The following RAD51B variants were observed in gnomAD, a reference collection of about 807,000 sequenced individuals.
RAD51B encodes DNA repair protein RAD51 homolog 2.
RAD51B carries 38 observed loss-of-function variants against 42.2 expected under a neutral mutation model. That is an observed-to-expected ratio of 0.90 (90% CI 0.70 to 1.18). RAD51B has a LOEUF of 1.18. Among genes scored for constraint, RAD51B ranks in the 50% most tolerant of loss-of-function variants. The pLI is 0.00. For missense variants in RAD51B, 373 were observed against 400.7 expected, an observed-to-expected ratio of 0.93 and a Z score of 0.59; for synonymous variants, 154 against 145.2, an observed-to-expected ratio of 1.06 and a Z score of -0.43.
chr14:68,166,040 A>G (rs757649574), intron 7 of RAD51B, among the ~76,000 whole-genome samples: 9 of 151,980 alleles, frequency 5.9e-5, no homozygotes, highest in African/African-American at 1.9e-4. Flanking sequence ...TAACCTACCA[A>G]TGATTGTTAT....
At chr14:68,144,674 C>G (rs1002088616) in intron 7 of RAD51B, among the ~76,000 whole-genome samples, 1 of 152,176 alleles carries the variant, frequency 6.6e-6, no homozygotes, top group African/African-American at 2.4e-5. Context: ...ATAAAAGGAA[C>G]TCCATATCCT....
rs1027744734 is a variant in RAD51B, at chr14:68,562,315, C to T, written c.1037-32170C>T. The T allele has an allele frequency of 1.2e-5, 12 of 985,304 alleles. No homozygotes were observed. The African/African-American group carries it at 1.2e-4, about 10-fold the overall frequency. 61.0% of individuals were successfully genotyped at this position (985,304 alleles called of 1,614,324 possible). ...TTTTGAACGCCAAACCTCTGCCTGA[C>T]GAAGGCTGTGTGATCTACAGGGTGA... On this transcript the variant is annotated intron_variant, in intron 10 of 10. Coordinates refer to the RAD51B transcript ENST00000487270.
chr14:67,981,338 G>C (rs1309630055), intron 7 of RAD51B, among the ~76,000 whole-genome samples: 1 of 152,200 alleles, frequency 6.6e-6, no homozygotes, highest in Admixed American at 6.5e-5. Context: ...ATGTGGAGGA[G>C]CTAAGTCTTA....
intron 7 of RAD51B, among the ~76,000 whole-genome samples, chr14:68,156,964 G>A (rs966678597): frequency 1.3e-5 from 2 of 152,142 alleles, no homozygotes; most frequent in East Asian, 3.8e-4. Flanking sequence ...TTGGGAGGCT[G>A]AAGTAGGCAG....
chr14:68,298,250 A>G (rs2081651538), intron 8 of RAD51B, among the ~76,000 whole-genome samples: 1 of 152,236 alleles, frequency 6.6e-6, no homozygotes, highest in Non-Finnish European at 1.5e-5. Context: ...GAAAAGCTGT[A>G]AATCCCAAAA....
intron 11 of RAD51B, among the ~76,000 whole-genome samples, chr14:68,654,351 G>C (rs1293652149): frequency 6.6e-6 from 1 of 152,234 alleles, no homozygotes; most frequent in Non-Finnish European, 1.5e-5. Context: ...AGGCTGTGGG[G>C]ACACCTTTAC....
intron 7 of RAD51B, among the ~76,000 whole-genome samples, chr14:67,974,817 G>A (rs915091225): frequency 6.6e-5 from 10 of 152,150 alleles, no homozygotes; most frequent in African/African-American, 2.2e-4. Context: ...GTATTTTCTT[G>A]TATATCTCTT....
chr14:67,987,654 G>A (rs994038219), intron 7 of RAD51B, among the ~76,000 whole-genome samples: 4 of 152,088 alleles, frequency 2.6e-5, no homozygotes, highest in African/African-American at 9.7e-5. Context: ...ACTTTCATAA[G>A]TATTTTCTGG....
At chr14:67,831,598 G>A (rs754548199) in intron 3 of RAD51B, among the ~76,000 whole-genome samples, 4 of 152,002 alleles carry the variant, frequency 2.6e-5, no homozygotes, top group Admixed American at 6.5e-5. Context: ...GTGCAGTGGC[G>A]TGATCTTGGC....
At chr14:68,588,492 A>G (rs572721069) in intron 10 of RAD51B, among the ~76,000 whole-genome samples, 1 of 152,294 alleles carries the variant, frequency 6.6e-6, no homozygotes, top group African/African-American at 2.4e-5. Flanking sequence ...CCCCCGTGTG[A>G]AATTAAGATC....
intron 7 of RAD51B, among the ~76,000 whole-genome samples, chr14:68,228,103 C>T (rs1317165572): frequency 6.6e-6 from 1 of 151,862 alleles, no homozygotes; most frequent in African/African-American, 2.4e-5. Context: ...ATAAATTGTC[C>T]AAGATTACAA....
chr14:67,984,419 C>A (rs1490534657), intron 7 of RAD51B, among the ~76,000 whole-genome samples: 1 of 152,200 alleles, frequency 6.6e-6, no homozygotes, highest in Non-Finnish European at 1.5e-5. Context: ...CCTAACCTTT[C>A]AAAGATTCCT....
chr14:68,422,223 C>T lies in RAD51B; in HGVS notation c.957+10696C>T, dbSNP rs905362684. 23 of 948,746 alleles carry T rather than the reference C, an allele frequency of 2.4e-5. 1 individual carries two copies. The highest frequency in any genetic ancestry group is 8.5e-5 in the Admixed American group (5 of 58,564). The allele number at this position is 948,746 out of a possible 1,614,324, so 58.8% of individuals were successfully genotyped here. On this transcript the variant is annotated intron_variant, in intron 9 of 10. Transcript: ENST00000471583. ...GCTAATAGTACACGGTTTTCCTCAG[C>T]GGTGGCGTCCGCAGAGCACCCAAAT... is the stretch of plus-strand genomic sequence containing the variant.
chr14:68,625,158 G>A (rs541756359), intron 10 of RAD51B, among the ~76,000 whole-genome samples: 136 of 152,236 alleles, frequency 8.9e-4, no homozygotes, highest in Middle Eastern at 3.4e-3. Context: ...GGAATTCCAG[G>A]TCTTTCACAA....
chr14:68,017,970 GAATAAATAAATA>G (rs148672009), intron 7 of RAD51B, among the ~76,000 whole-genome samples: 3 of 149,444 alleles, frequency 2.0e-5, no homozygotes, highest in Middle Eastern at 3.4e-3. Flanking sequence ...ACTCCGTCTC[GAATAAATAAATA>G]AATAAATAAA....
chr14:68,427,719 C>T (rs1163536606), intron 9 of RAD51B, among the ~76,000 whole-genome samples: 1 of 152,132 alleles, frequency 6.6e-6, no homozygotes, highest in Non-Finnish European at 1.5e-5. Flanking sequence ...TTAGATGAGA[C>T]TCTGGACTTT....
At chr14:67,993,003 A>G (rs1333638744) in intron 7 of RAD51B, among the ~76,000 whole-genome samples, 1 of 152,158 alleles carries the variant, frequency 6.6e-6, no homozygotes, top group Non-Finnish European at 1.5e-5. Context: ...GATATATACT[A>G]TAGTTTCTCT....
At chr14:68,476,698 G>C (rs1014169326) in intron 10 of RAD51B, among the ~76,000 whole-genome samples, 2 of 152,166 alleles carry the variant, frequency 1.3e-5, no homozygotes, top group Admixed American at 6.5e-5. Context: ...CTGCTCGCCA[G>C]CCATGCGAAA....
intron 8 of RAD51B, among the ~76,000 whole-genome samples, chr14:68,392,615 A>G (rs2083791154): frequency 6.6e-6 from 1 of 152,204 alleles, no homozygotes; most frequent in African/African-American, 2.4e-5. Flanking sequence ...GGCCCACGTG[A>G]TCACAAGGGG....
Sources: allele counts gnomAD v4.1 joint callset (sites outside exome capture counted in the v4.1 genomes callset), GRCh38; gene constraint gnomAD v4.1.1; transcripts MANE v1.5; gene names NCBI Gene and HGNC (gene_info 2026-07-23, HGNC 2026-07-21).